Variants in WNT2 observed in about 807,000 individuals in gnomAD.
WNT2 encodes the protein Wnt family member 2.
Under a neutral mutation model 36.9 loss-of-function variants are expected in WNT2, and 12 were observed. The observed-to-expected ratio is 0.33, with a 90% CI of 0.21 to 0.53. The LOEUF is 0.53. Ranked by LOEUF, WNT2 falls within the 20% of genes least tolerant of loss-of-function variation. WNT2 has a pLI of 0.95. For synonymous variants in WNT2, 163 were observed against 174.6 expected (o/e 0.93, Z 0.52); for missense variants, 379 against 473.1 (o/e 0.80, Z 1.84).
At chr7:117,302,434 A>T (rs955149216) in intron 3 of WNT2, among the ~76,000 whole-genome samples, 11 of 152,234 alleles carry the variant, frequency 7.2e-5, no homozygotes, top group African/African-American at 2.4e-4. Context: ...GGTGTTAGTA[A>T]CAGTCCAGGG....
chr7:117,292,304 C>T (rs1277019968), intron 4 of WNT2, among the ~76,000 whole-genome samples: 3 of 152,108 alleles, frequency 2.0e-5, no homozygotes, highest in African/African-American at 4.8e-5. Context: ...CACACACACA[C>T]ACACACACAC....
chr7:117,301,785 TTC>T (rs1342197247), intron 3 of WNT2, among the ~76,000 whole-genome samples: 3 of 151,884 alleles, frequency 2.0e-5, no homozygotes, highest in African/African-American at 4.8e-5. Context: ...GAATTATGCA[TTC>T]TGTTTCCCTC....
intron 2 of WNT2, among the ~76,000 whole-genome samples, chr7:117,319,495 C>T (rs1008639449): frequency 7.8e-5 from 11 of 141,910 alleles, no homozygotes; most frequent in Non-Finnish European, 3.0e-5. Context: ...TTACCAAGTG[C>T]ACAGTCTGGA....
intron 3 of WNT2, among the ~76,000 whole-genome samples, chr7:117,305,101 G>C (rs1242021287): frequency 6.6e-6 from 1 of 152,146 alleles, no homozygotes; most frequent in African/African-American, 2.4e-5. Context: ...AATCTGCCTG[G>C]CTCAGGGTTG....
At chr7:117,288,225 G>C (rs1432271646) in intron 4 of WNT2, among the ~76,000 whole-genome samples, 1 of 152,102 alleles carries the variant, frequency 6.6e-6, no homozygotes, top group Non-Finnish European at 1.5e-5. Flanking sequence ...TCAATTTAAG[G>C]TTCTGTTATT....
chr7:117,278,674 G>A (rs536872100), intron 4 of WNT2, among the ~76,000 whole-genome samples: 6 of 152,322 alleles, frequency 3.9e-5, no homozygotes, highest in South Asian at 2.1e-4. Flanking sequence ...GAGTTGGATC[G>A]ACTTTTCAGA....
Position 117,277,984 on chromosome 7 carries a change from C to A in WNT2, c.*171G>T. 3.1e-6 allele frequency: 2 copies of A among 652,594 alleles called. No individual in the cohort carries two copies. The highest frequency in any genetic ancestry group is 5.3e-6 in the Non-Finnish European group (2 of 378,150). 40.4% of individuals were successfully genotyped at this position (652,594 alleles called of 1,614,324 possible). A position where few individuals can be genotyped will look rare whatever the true frequency, so the allele number is the denominator to read the frequency against. ...AGAATAGGGTAGGCTTTAGGTGCAG[C>A]GTGTGGCCCCCCCATCCTGGGGCCC... is the stretch of plus-strand genomic sequence containing the variant. On this transcript the variant is annotated 3_prime_UTR_variant, in exon 5 of 5. Coordinates refer to ENST00000265441, the MANE Select transcript of WNT2 (RefSeq NM_003391.3).
intron 3 of WNT2, among the ~76,000 whole-genome samples, chr7:117,305,275 T>G (rs1404652581): frequency 6.6e-6 from 1 of 152,212 alleles, no homozygotes; most frequent in Non-Finnish European, 1.5e-5. Flanking sequence ...TAAACATTTA[T>G]CTTTTGGGCT....
chr7:117,291,310 C>T (rs904592113), intron 4 of WNT2, among the ~76,000 whole-genome samples: 3 of 152,174 alleles, frequency 2.0e-5, no homozygotes, highest in African/African-American at 7.2e-5. Flanking sequence ...TGGAGTGTGG[C>T]TTGTTTCCTG....
chr7:117,307,682 A>G (rs765310684), intron 3 of WNT2, among the ~76,000 whole-genome samples: 4 of 152,242 alleles, frequency 2.6e-5, no homozygotes, highest in Non-Finnish European at 5.9e-5. Context: ...CAGCCCTTAC[A>G]GTGTCTTTGT....
At position 117,284,348 on chromosome 7, in the gene WNT2, A is replaced by C. The variant is rs1291393798; in HGVS notation, c.854-5964T>G. ...ATGTTTCCAATAAAATATAAGAACC[A>C]AGAGTATGTGTGTATGTGTGTGTGT... On this transcript the variant is annotated intron_variant, in intron 4 of 4. Transcript: ENST00000265441. This position sits in a 1 kb window ranked among gnomAD's most constrained non-coding sequence, Gnocchi z 5.2. Among the ~76,000 whole-genome samples, 10 of 152,218 alleles carry C rather than the reference A, an allele frequency of 6.6e-5. No homozygotes were observed. The highest frequency in any genetic ancestry group is 5.9e-4 in the Admixed American group (9 of 15,290).
intron 4 of WNT2, among the ~76,000 whole-genome samples, chr7:117,289,944 A>G (rs1794656680): frequency 6.6e-6 from 1 of 152,174 alleles, no homozygotes; most frequent in Non-Finnish European, 1.5e-5. Context: ...AGTGTAAGGA[A>G]TGACTCGCAG....
chr7:117,299,620 A>G (rs1458832092), intron 3 of WNT2, among the ~76,000 whole-genome samples: 2 of 151,536 alleles, frequency 1.3e-5, no homozygotes, highest in African/African-American at 4.9e-5. Context: ...AGGCTCCTGC[A>G]TAGCTAGGAC....
chr7:117,275,934 A>G lies in WNT2; in HGVS notation c.*2221T>C. Among the ~76,000 whole-genome samples the G allele has an allele frequency of 6.6e-6, 1 of 152,310 alleles. No individual in the cohort carries two copies. The highest frequency in any genetic ancestry group is 1.5e-5 in the Non-Finnish European group (1 of 68,036). On this transcript the variant is annotated 3_prime_UTR_variant, in exon 5 of 5. Transcript: ENST00000265441. ...TACCAGGAGGGATATATCTCAGCAT[A>G]AAAAGAATGTCAGATCTAAACATAC...
At chr7:117,309,026 A>AT (rs1441238166) in intron 3 of WNT2, among the ~76,000 whole-genome samples, 1 of 148,964 alleles carries the variant, frequency 6.7e-6, no homozygotes, top group African/African-American at 2.4e-5. Flanking sequence ...TCTATGAAAC[A>AT]TAAAAAAAAA....
At chr7:117,308,274 T>C (rs1490245843) in intron 3 of WNT2, among the ~76,000 whole-genome samples, 2 of 152,216 alleles carry the variant, frequency 1.3e-5, no homozygotes, top group Admixed American at 6.5e-5. Flanking sequence ...TGTCATTCTT[T>C]AAAAACAGTG....
chr7:117,313,283 G>A (rs1320183574), intron 3 of WNT2, among the ~76,000 whole-genome samples: 1 of 152,172 alleles, frequency 6.6e-6, no homozygotes, highest in Admixed American at 6.5e-5. Context: ...CTGACATCAT[G>A]CATCTCCTTG....
intron 4 of WNT2, among the ~76,000 whole-genome samples, chr7:117,288,337 A>C (rs1463667005): frequency 6.6e-6 from 1 of 152,226 alleles, no homozygotes; most frequent in Non-Finnish European, 1.5e-5. Flanking sequence ...GACCCAGAGA[A>C]GTTAATTTGC....
chr7:117,314,110 AT>A (rs1795170988), intron 3 of WNT2, among the ~76,000 whole-genome samples: 1 of 152,188 alleles, frequency 6.6e-6, no homozygotes, highest in East Asian at 1.9e-4. Flanking sequence ...TGTTGTGTTG[AT>A]AAAAGACAAA....
Sources: gnomAD v4.1 joint callset for allele counts (sites outside exome capture counted in the v4.1 genomes callset) on GRCh38, gnomAD v4.1.1 for gene constraint, Gnocchi (gnomAD v3.1) non-coding constraint, MANE v1.5 for transcripts, NCBI Gene and HGNC (gene_info 2026-07-23, HGNC 2026-07-21) for gene names.